Variants in GRID2 observed in about 807,000 individuals in gnomAD.
The protein encoded by GRID2 is glutamate ionotropic receptor delta type subunit 2.
GRID2 carries 33 observed loss-of-function variants against 114.8 expected under a neutral mutation model. That is an observed-to-expected ratio of 0.29 (90% CI 0.22 to 0.38). The LOEUF (loss-of-function observed/expected upper bound fraction) is 0.38, where lower values mean the gene tolerates loss of function less well. GRID2 is among the 10% of genes least tolerant of loss of function. The probability of loss-of-function intolerance (pLI) is 1.00; values close to 1 mark genes in which losing one functional copy is unlikely to be tolerated. For missense variants in GRID2, 1,184 were observed against 1,257.7 expected (o/e 0.94, Z 0.89); for synonymous variants, 505 against 449.9 (o/e 1.12, Z -1.55).
Position 93,097,704 on chromosome 4 carries a change from G to T in GRID2, c.529+12425G>T, listed in dbSNP as rs374155119. ...TTCCACATCTTTGATTGACAGTTCT[G>T]TTTCCCCTGCCAGAAAGACTCCAAG... On this transcript the variant is annotated intron_variant, in intron 3 of 15. Transcript: ENST00000282020. Among the ~76,000 whole-genome samples, 65 of 151,964 alleles carry T rather than the reference G, an allele frequency of 4.3e-4. 3 individuals carry two copies. In the South Asian group the frequency reaches 0.013, roughly 31 times the overall value.
In GRID2 at chr4:93,069,661, G is replaced by A. The variant is rs1728638610; in HGVS notation, c.245-15334G>A. Among the ~76,000 whole-genome samples the A allele has an allele frequency of 1.3e-5, 2 of 152,054 alleles. 1 individual carries two copies. Among genetic ancestry groups the A allele is most frequent in the Admixed American group, 1.3e-4 (2 of 15,224 alleles). On this transcript the variant is annotated intron_variant, in intron 2 of 15. Coordinates refer to ENST00000282020, the MANE Select transcript of GRID2 (RefSeq NM_001510.4). Reference sequence around the variant, plus strand: ...AAGGACTGGTCAGTAATTGAAGCAAGGAGAAGAGAATAAGAGAGAAATGTC... The same window carrying A: ...AAGGACTGGTCAGTAATTGAAGCAAAGAGAAGAGAATAAGAGAGAAATGTC...
At chr4:93,342,043 G>T (rs1326765200) in intron 8 of GRID2, among the ~76,000 whole-genome samples, 1 of 151,856 alleles carries the variant, frequency 6.6e-6, no homozygotes, top group African/African-American at 2.4e-5. Flanking sequence ...ATGCAATATT[G>T]TATCCTACCC....
intron 2 of GRID2, among the ~76,000 whole-genome samples, chr4:93,061,251 A>C (rs1055238719): frequency 6.7e-6 from 1 of 148,586 alleles, no homozygotes. Context: ...GGGGGTTACA[A>C]TAAAATTATT....
chr4:93,034,523 TG>T (rs1239960946), intron 2 of GRID2, among the ~76,000 whole-genome samples: 1 of 152,108 alleles, frequency 6.6e-6, no homozygotes, highest in Non-Finnish European at 1.5e-5. Flanking sequence ...TACTGCCCAT[TG>T]AACACGACTT....
At chr4:92,557,813 G>C (rs1361437963) in intron 1 of GRID2, among the ~76,000 whole-genome samples, 6 of 152,032 alleles carry the variant, frequency 3.9e-5, no homozygotes, top group Non-Finnish European at 1.5e-5. Flanking sequence ...CAGGTGAAAG[G>C]CTGAAGGCTA....
intron 13 of GRID2, among the ~76,000 whole-genome samples, chr4:93,608,290 T>C (rs866591704): frequency 0.012 from 791 of 67,200 alleles, 11 homozygotes; most frequent in African/African-American, 0.032. Context: ...AAAATTATTT[T>C]TTTTTCTTTT....
At chr4:92,584,880 TG>T (rs1728354592) in intron 1 of GRID2, among the ~76,000 whole-genome samples, 1 of 151,996 alleles carries the variant, frequency 6.6e-6, no homozygotes, top group South Asian at 2.1e-4. Context: ...GTAATTTGGG[TG>T]AAAACATTTA....
chr4:92,528,291 T>C (rs1305539953), intron 1 of GRID2, among the ~76,000 whole-genome samples: 1 of 146,128 alleles, frequency 6.8e-6, no homozygotes, highest in African/African-American at 2.6e-5. Flanking sequence ...TATATATATA[T>C]ATTTTGAGTA....
intron 1 of GRID2, among the ~76,000 whole-genome samples, chr4:92,374,821 G>T (rs1487886790): frequency 6.6e-6 from 1 of 151,918 alleles, no homozygotes; most frequent in Non-Finnish European, 1.5e-5. Flanking sequence ...ACCTGAATCT[G>T]GATCTCCATA....
At chr4:93,016,329 G>C (rs1285562753) in intron 2 of GRID2, among the ~76,000 whole-genome samples, 2 of 152,034 alleles carry the variant, frequency 1.3e-5, no homozygotes, top group Admixed American at 6.6e-5. Flanking sequence ...CCAGGGATTC[G>C]GTAACATAGA....
intron 4 of GRID2, among the ~76,000 whole-genome samples, chr4:93,138,504 T>C (rs1467733986): frequency 6.6e-6 from 1 of 152,190 alleles, no homozygotes; most frequent in Non-Finnish European, 1.5e-5. Context: ...TTGCCTCTTA[T>C]ACCCTAATCT....
chr4:92,454,536 T>C (rs953338163), intron 1 of GRID2, among the ~76,000 whole-genome samples: 55 of 152,192 alleles, frequency 3.6e-4, no homozygotes, highest in African/African-American at 1.3e-3. Context: ...CTATATGGCA[T>C]GGAACATTCC....
Position 93,085,134 on chromosome 4 carries a change from G to A in GRID2, c.384G>A (p.Arg128=), listed in dbSNP as rs1730216968. 1.9e-6 allele frequency: 3 copies of A among 1,613,988 alleles called. No homozygotes were observed. Among genetic ancestry groups the A allele is most frequent in the Admixed American group, 3.3e-5 (2 of 59,990 alleles). The change falls in exon 3 of 16, where the codon AGG becomes AGA. Residue 128 remains arginine (R), a synonymous_variant. Coordinates refer to ENST00000282020, the MANE Select transcript of GRID2 (RefSeq NM_001510.4). ...FIQRSTAGTP[R]SGCGLTRSNR... ...AGCGCTCAACAGCTGGGACCCCAAGGAGTGGCTGTGGACTCACCCGGAGCA... is the reference window on the plus strand; with the variant it reads ...AGCGCTCAACAGCTGGGACCCCAAGAAGTGGCTGTGGACTCACCCGGAGCA...
downstream of GRID2, among the ~76,000 whole-genome samples, chr4:93,776,291 T>C (rs1734368588): frequency 6.6e-6 from 1 of 152,308 alleles, no homozygotes; most frequent in Admixed American, 6.5e-5. Context: ...TGAAATTTGG[T>C]AGACACTCTG....
chr4:93,464,224 T>C (rs961502544), intron 11 of GRID2, among the ~76,000 whole-genome samples: 1 of 152,176 alleles, frequency 6.6e-6, no homozygotes, highest in African/African-American at 2.4e-5. Context: ...TCATTTAAAT[T>C]ATTTAGAATA....
At chr4:93,364,327 A>G (rs900651522) in intron 8 of GRID2, among the ~76,000 whole-genome samples, 2 of 152,144 alleles carry the variant, frequency 1.3e-5, no homozygotes, top group African/African-American at 4.8e-5. Flanking sequence ...CTTTTTTAAA[A>G]AAATCAATTT....
chr4:93,713,143 A>G (rs138562732), intron 14 of GRID2, among the ~76,000 whole-genome samples: 37 of 152,318 alleles, frequency 2.4e-4, no homozygotes, highest in Middle Eastern at 3.4e-3. Context: ...ATGTTAGACA[A>G]TGAATTTCTA....
intron 1 of GRID2, among the ~76,000 whole-genome samples, chr4:93,780,241 A>C (rs1007202958): frequency 6.6e-6 from 1 of 152,196 alleles, no homozygotes; most frequent in African/African-American, 2.4e-5. Flanking sequence ...ATTTGAATGA[A>C]GCTTTAAATG....
At chr4:92,365,427 A>C (rs1013542906) in intron 1 of GRID2, among the ~76,000 whole-genome samples, 2 of 152,008 alleles carry the variant, frequency 1.3e-5, no homozygotes, top group African/African-American at 4.8e-5. Context: ...GAATTTAAAA[A>C]ACATTGATTT....
Sources: allele counts gnomAD v4.1 joint callset (sites outside exome capture counted in the v4.1 genomes callset), GRCh38; gene constraint gnomAD v4.1.1; transcripts MANE v1.5; gene names NCBI Gene and HGNC (gene_info 2026-07-23, HGNC 2026-07-21).